The following PDE7B variants were observed in gnomAD, a reference collection of about 807,000 sequenced individuals.
PDE7B encodes phosphodiesterase 7B, also known as 3',5'-cyclic-AMP phosphodiesterase 7B.
Under a neutral mutation model 56.2 loss-of-function variants are expected in PDE7B, and 29 were observed. The observed-to-expected ratio is 0.52, with a 90% confidence interval of 0.38 to 0.70. PDE7B has a LOEUF of 0.70. Among genes scored for constraint, PDE7B ranks in the 30% least tolerant of loss-of-function variants. The pLI, the probability that PDE7B is intolerant of heterozygous loss-of-function variation, is 0.00. For missense variants in PDE7B, 490 were observed against 565.0 expected (o/e 0.87, Z 1.35); for synonymous variants, 197 against 196.9 (o/e 1.00, Z 0.00).
At chr6:135,982,690 G>A (rs941294237) in intron 2 of PDE7B, among the ~76,000 whole-genome samples, 1 of 152,182 alleles carries the variant, frequency 6.6e-6, no homozygotes, top group Non-Finnish European at 1.5e-5. Flanking sequence ...TGATACTACT[G>A]CTACTGGTCT....
chr6:136,169,737 C>A (rs550439178), intron 8 of PDE7B, among the ~76,000 whole-genome samples: 2 of 152,336 alleles, frequency 1.3e-5, no homozygotes, highest in Middle Eastern at 6.8e-3. Flanking sequence ...ATCTATCACT[C>A]TTCTCTCCTA....
intron 2 of PDE7B, among the ~76,000 whole-genome samples, chr6:135,997,605 C>T (rs1330429847): frequency 1.3e-5 from 2 of 151,692 alleles, no homozygotes; most frequent in African/African-American, 2.4e-5. Context: ...TTTATGAGCA[C>T]CAAGCATTTA....
chr6:135,946,171 A>G (rs1331878279), intron 1 of PDE7B, among the ~76,000 whole-genome samples: 1 of 151,812 alleles, frequency 6.6e-6, no homozygotes, highest in Admixed American at 6.6e-5. Flanking sequence ...GCTTAACATT[A>G]TACTTTTATG....
At chr6:135,916,190 G>A (rs1773929964) in intron 1 of PDE7B, among the ~76,000 whole-genome samples, 1 of 151,998 alleles carries the variant, frequency 6.6e-6, no homozygotes. Flanking sequence ...AGTTTCAGTT[G>A]CTCCACGTGC....
At chr6:135,908,286 G>A (rs1252865179) in intron 1 of PDE7B, among the ~76,000 whole-genome samples, 1 of 151,772 alleles carries the variant, frequency 6.6e-6, no homozygotes, top group Non-Finnish European at 1.5e-5. Flanking sequence ...AGAGACCGGG[G>A]TTTCTCCATA....
At position 135,991,650 on chromosome 6, in the gene PDE7B, AATAAT is replaced by A. The variant is rs377347640; in HGVS notation, c.82+44132_82+44136del. ...GTTAATATTAGGTTAACAATATACT[AATAAT>A]ATAATGAGGTAATTTTTCTTCGAAT... On this transcript the variant is annotated intron_variant, in intron 2 of 12. Transcript: ENST00000308191. 6.7e-3 allele frequency among the ~76,000 whole-genome samples: 1,013 copies of A among 152,288 alleles called. 9 individuals carry two copies. Among genetic ancestry groups the A allele is most frequent in the African/African-American group, 0.023 (955 of 41,560 alleles).
intron 2 of PDE7B, among the ~76,000 whole-genome samples, chr6:136,070,047 T>A (rs1394392906): frequency 6.6e-6 from 1 of 152,012 alleles, no homozygotes; most frequent in Non-Finnish European, 1.5e-5. Context: ...TTTCTCAGCA[T>A]ACATATTAAG....
At chr6:136,009,809 A>T (rs1234467282) in intron 2 of PDE7B, among the ~76,000 whole-genome samples, 1 of 152,074 alleles carries the variant, frequency 6.6e-6, no homozygotes, top group Non-Finnish European at 1.5e-5. Flanking sequence ...TCTTTTCCTA[A>T]CTGAATAAAT....
intron 4 of PDE7B, among the ~76,000 whole-genome samples, chr6:136,148,827 T>C (rs1358915918): frequency 6.6e-6 from 1 of 152,134 alleles, no homozygotes; most frequent in Non-Finnish European, 1.5e-5. Context: ...TTGTGTGAGT[T>C]AGGTAAAAGT....
At chr6:136,150,392 G>A (rs1035221497) in intron 5 of PDE7B, among the ~76,000 whole-genome samples, 2 of 152,154 alleles carry the variant, frequency 1.3e-5, no homozygotes, top group Non-Finnish European at 2.9e-5. Flanking sequence ...TGTATATGGT[G>A]AGAGATGAGG....
At chr6:135,902,241 C>T (rs1435751055) in intron 1 of PDE7B, among the ~76,000 whole-genome samples, 1 of 151,972 alleles carries the variant, frequency 6.6e-6, no homozygotes, top group African/African-American at 2.4e-5. Flanking sequence ...TGGAGGAAGT[C>T]AGCCAATTTC....
intron 1 of PDE7B, among the ~76,000 whole-genome samples, chr6:135,904,424 T>C (rs1375461735): frequency 6.6e-6 from 1 of 152,150 alleles, no homozygotes; most frequent in Non-Finnish European, 1.5e-5. Flanking sequence ...ATGTACTTGC[T>C]CTTGCAAATT....
chr6:135,928,173 A>G (rs1774222370), intron 1 of PDE7B, among the ~76,000 whole-genome samples: 1 of 151,920 alleles, frequency 6.6e-6, no homozygotes, highest in Admixed American at 6.6e-5. Flanking sequence ...AAAAGAGAGC[A>G]CTTACACACT....
intron 12 of PDE7B, 144 bp downstream of exon 12, chr6:136,187,260 A>C: frequency 1.7e-6 from 1 of 592,058 alleles, no homozygotes; most frequent in South Asian, 2.4e-5. Context: ...GTCCAAATTA[A>C]TACTTTAATC....
intron 2 of PDE7B, among the ~76,000 whole-genome samples, chr6:136,053,644 A>G (rs1776675045): frequency 6.6e-6 from 1 of 152,218 alleles, no homozygotes; most frequent in Admixed American, 6.5e-5. Flanking sequence ...ACTGACTTCC[A>G]CAATGGTTAA....
chr6:135,898,474 G>T (rs1250616163), intron 1 of PDE7B, among the ~76,000 whole-genome samples: 1 of 152,080 alleles, frequency 6.6e-6, no homozygotes, highest in African/African-American at 2.4e-5. Flanking sequence ...TATTTTGTTT[G>T]AATGAAGAAT....
At chr6:136,005,841 C>T (rs1298888156) in intron 2 of PDE7B, among the ~76,000 whole-genome samples, 1 of 152,018 alleles carries the variant, frequency 6.6e-6, no homozygotes, top group Non-Finnish European at 1.5e-5. Flanking sequence ...TTGACACAGC[C>T]ATCCCATTAC....
intron 3 of PDE7B, among the ~76,000 whole-genome samples, chr6:136,131,837 T>C (rs495100): frequency 6.6e-6 from 1 of 152,136 alleles, no homozygotes; most frequent in African/African-American, 2.4e-5. Context: ...TTTCTCTAGG[T>C]GTTTTCTAGT....
At chr6:135,907,262 C>T (rs1410953550) in intron 1 of PDE7B, among the ~76,000 whole-genome samples, 1 of 152,166 alleles carries the variant, frequency 6.6e-6, no homozygotes, top group African/African-American at 2.4e-5. Context: ...TTCCTTCCAC[C>T]TGGCTCTTCT....
Sources: gnomAD v4.1 joint callset for allele counts (sites outside exome capture counted in the v4.1 genomes callset) on GRCh38, gnomAD v4.1.1 for gene constraint, MANE v1.5 for transcripts, NCBI Gene and HGNC (gene_info 2026-07-23, HGNC 2026-07-21) for gene names.